The following BTBD16 variants were observed in gnomAD, a reference collection of about 807,000 sequenced individuals.
BTBD16 encodes the protein BTB domain containing 16.
Under a neutral mutation model 67.4 loss-of-function variants are expected in BTBD16, and 66 were observed. That is an observed-to-expected ratio of 0.98 (90% CI 0.80 to 1.20). The LOEUF (loss-of-function observed/expected upper bound fraction) is 1.20. BTBD16 is among the 50% of genes most tolerant of loss of function. The pLI, the probability that BTBD16 is intolerant of heterozygous loss-of-function variation, is 0.00. For synonymous variants in BTBD16, 242 were observed against 236.4 expected (o/e 1.02, Z -0.22); for missense variants, 634 against 616.0 (o/e 1.03, Z -0.31).
In BTBD16 at chr10:122,276,939, G is replaced by T. The variant is rs1414023522; in HGVS notation, c.167G>T (p.Arg56Met). 6 of 1,612,676 alleles carry T rather than the reference G, an allele frequency of 3.7e-6. No individual in the cohort carries two copies. The African/African-American group carries it at 6.7e-5, about 18-fold the overall frequency. Residue 56 changes from arginine to methionine, a missense_variant and splice_region_variant, in exon 3 of 16, where the codon AGG (arginine) becomes ATG (methionine). Arg to Met is a moderately conservative substitution (Grantham distance 91). Transcript: ENST00000260723. ...DFEEALRNPDRLCISQIQKFF... is the reference protein window; with the variant it reads ...DFEEALRNPDMLCISQIQKFF... Reference sequence around the variant, plus strand: ...GAGGAAGCTTTGAGGAACCCAGACAGGTATGGAGACTCAAAGGTTTGTGGG... The same window carrying T: ...GAGGAAGCTTTGAGGAACCCAGACATGTATGGAGACTCAAAGGTTTGTGGG...
intron 10 of BTBD16, among the ~76,000 whole-genome samples, chr10:122,328,415 C>T (rs2133313102): frequency 6.6e-6 from 1 of 152,310 alleles, no homozygotes. Flanking sequence ...GTCTTTGTGC[C>T]TACAACTTTT....
intron 10 of BTBD16, among the ~76,000 whole-genome samples, chr10:122,311,193 G>T (rs752347917): frequency 6.6e-6 from 1 of 152,036 alleles, no homozygotes; most frequent in South Asian, 2.1e-4. Context: ...CTGACATAAT[G>T]TTGAAGGGGC....
intron 14 of BTBD16, among the ~76,000 whole-genome samples, 171 bp downstream of exon 14, chr10:122,335,150 C>G (rs1181914852): frequency 6.6e-6 from 1 of 152,180 alleles, no homozygotes; most frequent in African/African-American, 2.4e-5. Flanking sequence ...TTTACAACAA[C>G]CTTGGGAAGT....
chr10:122,315,989 G>A (rs886400641), intron 10 of BTBD16, among the ~76,000 whole-genome samples: 2 of 152,058 alleles, frequency 1.3e-5, no homozygotes, highest in African/African-American at 2.4e-5. Flanking sequence ...CTCATAGGCC[G>A]GGCACGGTGG....
rs2133334055 is a variant in BTBD16, at chr10:122,336,680, C to T, written c.1450C>T (p.His484Tyr). The T allele has an allele frequency of 6.3e-7, 1 of 1,577,364 alleles. No individual in the cohort carries two copies. Among genetic ancestry groups the T allele is most frequent in the African/African-American group, 1.4e-5 (1 of 72,792 alleles). The change falls in exon 15 of 16, where the codon CAT becomes TAT. Residue 484 changes from histidine to tyrosine, a missense_variant and splice_region_variant. Transcript: ENST00000260723. ...GTTGACCACGTCATCCTGCAAAAGC[C>T]ATGCAAGTGTTCACGTTGTCTTTTC... ...FGLTTSSCKS[H>Y]TLKIQTVGIP... is the part of the protein sequence containing the mutation.
chr10:122,330,608 A>G (rs573654883), intron 11 of BTBD16, among the ~76,000 whole-genome samples: 40 of 152,354 alleles, frequency 2.6e-4, no homozygotes, highest in Middle Eastern at 3.4e-3. Context: ...CTTAAATTGT[A>G]CATTAATATG....
chr10:122,325,680 A>G (rs1419543451), intron 10 of BTBD16, among the ~76,000 whole-genome samples: 2 of 146,174 alleles, frequency 1.4e-5, no homozygotes, highest in East Asian at 4.0e-4. Context: ...AGATAGATAG[A>G]TTTTTTTTTT....
intron 10 of BTBD16, among the ~76,000 whole-genome samples, chr10:122,313,155 G>A (rs1482398540): frequency 6.6e-6 from 1 of 151,964 alleles, no homozygotes; most frequent in Non-Finnish European, 1.5e-5. Context: ...GGGATTACAG[G>A]CGTGAGCCAC....
chr10:122,319,110 A>T (rs1427033097), intron 10 of BTBD16, among the ~76,000 whole-genome samples: 3 of 152,184 alleles, frequency 2.0e-5, no homozygotes, highest in Non-Finnish European at 2.9e-5. Flanking sequence ...AGTATTCTTT[A>T]AATATTCTGG....
intron 9 of BTBD16, among the ~76,000 whole-genome samples, chr10:122,303,376 A>G (rs1178134077): frequency 6.6e-6 from 1 of 152,246 alleles, no homozygotes; most frequent in Non-Finnish European, 1.5e-5. Context: ...TCTGCAACTT[A>G]TTCACTTACA....
intron 10 of BTBD16, among the ~76,000 whole-genome samples, chr10:122,324,305 A>G (rs2096440631): frequency 6.6e-6 from 1 of 152,140 alleles, no homozygotes; most frequent in South Asian, 2.1e-4. Flanking sequence ...CCCCCCACAT[A>G]CTATTCCCAA....
chr10:122,289,810 C>A, intron 5 of BTBD16, 99 bp from the exon 6 acceptor site: 1 of 719,108 alleles, frequency 1.4e-6, no homozygotes. Flanking sequence ...TGATACATAT[C>A]TTGATACCTC....
intron 9 of BTBD16, 97 bp downstream of exon 9, chr10:122,299,231 C>A: frequency 7.1e-7 from 1 of 1,399,894 alleles, no homozygotes; most frequent in South Asian, 1.4e-5. Flanking sequence ...GGCTGCACCC[C>A]CACCTTAAGC....
intron 10 of BTBD16, among the ~76,000 whole-genome samples, chr10:122,320,281 A>C (rs1226134181): frequency 6.6e-6 from 1 of 152,158 alleles, no homozygotes; most frequent in Non-Finnish European, 1.5e-5. Context: ...TCTAGAATAC[A>C]GGAGGAAATA....
chr10:122,276,438 A>C (rs772727902), intron 2 of BTBD16, among the ~76,000 whole-genome samples: 4 of 152,208 alleles, frequency 2.6e-5, no homozygotes, highest in Non-Finnish European at 4.4e-5. Context: ...TCTTTGTATG[A>C]CAAGTTAGGA....
chr10:122,285,216 C>T (rs1218020453), intron 4 of BTBD16, among the ~76,000 whole-genome samples: 1 of 152,132 alleles, frequency 6.6e-6, no homozygotes, highest in African/African-American at 2.4e-5. Context: ...CTCCTCCCCC[C>T]AGCTCTGTAC....
At chr10:122,309,983 G>C (rs1305463647) in intron 10 of BTBD16, among the ~76,000 whole-genome samples, 1 of 151,412 alleles carries the variant, frequency 6.6e-6, no homozygotes, top group South Asian at 2.1e-4. Flanking sequence ...TGCTGGCCAG[G>C]CTGGTCTCAA....
intron 5 of BTBD16, among the ~76,000 whole-genome samples, chr10:122,287,678 A>C (rs930671734): frequency 2.6e-5 from 4 of 152,164 alleles, no homozygotes; most frequent in African/African-American, 9.7e-5. Flanking sequence ...CACGGTTATC[A>C]CTTTCATGTT....
intron 3 of BTBD16, among the ~76,000 whole-genome samples, 159 bp downstream of exon 3, chr10:122,277,098 A>G (rs1216167081): frequency 6.6e-6 from 1 of 152,150 alleles, no homozygotes; most frequent in East Asian, 1.9e-4. Context: ...GGACAGGGTC[A>G]TAAGTGACTA....
Sources: allele counts gnomAD v4.1 joint callset (sites outside exome capture counted in the v4.1 genomes callset), GRCh38; gene constraint gnomAD v4.1.1; transcripts MANE v1.5; gene names NCBI Gene and HGNC (gene_info 2026-07-23, HGNC 2026-07-21).